The following ADCY3 variants were observed in gnomAD, a reference collection of about 807,000 sequenced individuals.
The protein encoded by ADCY3 is adenylate cyclase type 3.
In ADCY3, 70 loss-of-function variants were observed where a neutral mutation model predicts 119.4. The ratio of observed to expected loss-of-function variants is 0.59; its 90% CI spans 0.48 to 0.72. The LOEUF is 0.72. Among genes scored for constraint, ADCY3 ranks in the 30% least tolerant of loss-of-function variants. The probability of loss-of-function intolerance (pLI) is 0.00; values close to 1 mark genes in which losing one functional copy is unlikely to be tolerated. For synonymous variants in ADCY3, 672 were observed against 621.4 expected (o/e 1.08, Z -1.21); for missense variants, 1,238 against 1,541.6 (o/e 0.80, Z 3.30).
intron 2 of ADCY3, among the ~76,000 whole-genome samples, chr2:24,875,876 A>G (rs11895986): frequency 0.036 from 5,420 of 152,266 alleles, 153 homozygotes; most frequent in African/African-American, 0.076. Context: ...CTCCTCCAGC[A>G]TTCAAATCTC....
In ADCY3 at chr2:24,819,864, G is replaced by A. The variant is rs1392723441; in HGVS notation, c.*68C>T. 21 of 1,524,256 alleles carry A rather than the reference G, an allele frequency of 1.4e-5. No individual in the cohort carries two copies. Among genetic ancestry groups the A allele is most frequent in the East Asian group, 7.0e-5 (3 of 43,008 alleles). 94.4% of individuals were successfully genotyped at this position (1,524,256 alleles called of 1,614,324 possible). A position where few individuals can be genotyped will look rare whatever the true frequency, so the allele number is the denominator to read the frequency against. ...GTGTGCACTTCAATCCAGGAAGGTC[G>A]GGACTTCCTTCAGTTTCAAAAAATA... On this transcript the variant is annotated 3_prime_UTR_variant, in exon 22 of 22. Coordinates refer to ENST00000679454, the MANE Select transcript of ADCY3 (RefSeq NM_004036.5).
intron 2 of ADCY3, among the ~76,000 whole-genome samples, chr2:24,902,079 T>TG (rs1678977957): frequency 7.7e-6 from 1 of 130,442 alleles, no homozygotes; most frequent in Non-Finnish European, 1.6e-5. Flanking sequence ...TGTGTGTATT[T>TG]GGTTTTTTTT....
rs958301919 is a variant in ADCY3, at chr2:24,883,899, TCCTA to T, written c.676-11184_676-11181del. ...AGCAAACTCTTTGGATTCCAAAACT[TCCTA>T]CCTTTCAATTCAGAAAATGACATTT... On this transcript the variant is annotated intron_variant, in intron 2 of 21. Transcript: ENST00000679454. Among the ~76,000 whole-genome samples, 3 of 152,316 alleles carry T rather than the reference TCCTA, an allele frequency of 2.0e-5. 1 individual carries two copies. The South Asian group carries it at 6.2e-4, about 32-fold the overall frequency.
At chr2:24,846,693 T>C (rs1558446133) in intron 3 of ADCY3, among the ~76,000 whole-genome samples, 1 of 151,880 alleles carries the variant, frequency 6.6e-6, no homozygotes, top group Non-Finnish European at 1.5e-5. Context: ...ATTCTCCTGC[T>C]TCAGCCTCCT....
At chr2:24,864,141 T>A (rs1674010311) in intron 3 of ADCY3, among the ~76,000 whole-genome samples, 1 of 151,820 alleles carries the variant, frequency 6.6e-6, no homozygotes, top group South Asian at 2.1e-4. Context: ...ACAAGAAAAA[T>A]TAGCTGGGAG....
chr2:24,872,755 G>C lies in ADCY3; in HGVS notation c.676-36C>G, dbSNP rs779853620. 6 of 1,600,182 alleles carry C rather than the reference G, an allele frequency of 3.7e-6. No individual in the cohort carries two copies. The Admixed American group carries it at 1.0e-4, about 27-fold the overall frequency. On this transcript the variant is annotated intron_variant, in intron 2 of 21. Transcript: ENST00000679454. The surrounding 1 kb of genome is among the most constrained non-coding windows in gnomAD (Gnocchi z 4.4). ...AGGAAGAAGAGAGAAAAGGCCAGGG[G>C]TGAAGGCACGTCTTCAGAAAAGGGG...
chr2:24,853,454 A>T (rs1672623563), intron 3 of ADCY3, among the ~76,000 whole-genome samples: 1 of 148,748 alleles, frequency 6.7e-6, no homozygotes, highest in Non-Finnish European at 1.5e-5. Context: ...TTTCAGATTG[A>T]AACGCGCCTC....
At chr2:24,879,371 T>C (rs2148863158) in intron 2 of ADCY3, among the ~76,000 whole-genome samples, 1 of 145,062 alleles carries the variant, frequency 6.9e-6, no homozygotes, top group South Asian at 2.2e-4. Context: ...GAGAACGGCA[T>C]GAACCCGGGA....
In ADCY3 at chr2:24,840,748, G is replaced by A. The variant is rs539520460; in HGVS notation, c.1196+511C>T. ...GGAGCAGGGGCAAGAGTAGGGGACAGTGAGGGCAGGAGAGTTTGCCTCCCT... is the reference window on the plus strand; with the variant it reads ...GGAGCAGGGGCAAGAGTAGGGGACAATGAGGGCAGGAGAGTTTGCCTCCCT... On this transcript the variant is annotated intron_variant, in intron 6 of 21. Coordinates refer to ENST00000679454, the MANE Select transcript of ADCY3 (RefSeq NM_004036.5). 399 of 345,124 alleles carry A rather than the reference G, an allele frequency of 1.2e-3. 3 individuals carry two copies. The highest frequency in any genetic ancestry group is 6.9e-3 in the Middle Eastern group (6 of 874). 21.4% of individuals were successfully genotyped at this position (345,124 alleles called of 1,614,324 possible). A position where few individuals can be genotyped will look rare whatever the true frequency, so the allele number is the denominator to read the frequency against.
intron 3 of ADCY3, among the ~76,000 whole-genome samples, chr2:24,857,480 A>G (rs1673144718): frequency 6.6e-6 from 1 of 152,276 alleles, no homozygotes; most frequent in Non-Finnish European, 1.5e-5. Context: ...CCAATATGGC[A>G]GCCACATTTA....
chr2:24,838,845 A>G (rs1471437125), intron 7 of ADCY3: 1 of 1,606,230 alleles, frequency 6.2e-7, no homozygotes, highest in African/African-American at 1.3e-5. Flanking sequence ...TATGGCACTT[A>G]CTCCCATCTC....
At position 24,835,861 on chromosome 2, in the gene ADCY3, G is replaced by A. The variant is rs184653053; in HGVS notation, c.1663-925C>T. 8.8e-3 allele frequency among the ~76,000 whole-genome samples: 1,329 copies of A among 151,860 alleles called. 25 individuals are homozygous for A. Among genetic ancestry groups the A allele is most frequent in the African/African-American group, 0.031 (1,266 of 41,382 alleles). On this transcript the variant is annotated intron_variant, in intron 9 of 21. Transcript: ENST00000679454. The stretch of plus-strand genomic sequence containing the variant: ...TGAGGCAGGAGAATCTCTTGCACCC[G>A]GGAGGCAGAGGTTGCAGTGAGCCAA...
At chr2:24,820,182 T>G in intron 21 of ADCY3, 68 bp from the exon 22 acceptor site, 3 of 1,303,630 alleles carry the variant, frequency 2.3e-6, no homozygotes, top group Non-Finnish European at 3.1e-6. Flanking sequence ...GGGTGGGGGC[T>G]TTGGGTGGTT....
intron 2 of ADCY3, among the ~76,000 whole-genome samples, chr2:24,911,394 C>A (rs1037690493): frequency 2.0e-5 from 3 of 151,328 alleles, no homozygotes; most frequent in Admixed American, 2.0e-4. Flanking sequence ...TGCCTGTAAT[C>A]CCAGCACTTT....
At chr2:24,871,133 C>CG (rs1674961131) in intron 3 of ADCY3, among the ~76,000 whole-genome samples, 1 of 102,116 alleles carries the variant, frequency 9.8e-6, no homozygotes, top group African/African-American at 6.1e-5. Flanking sequence ...GTGACACATG[C>CG]ATTTTTTTTT....
chr2:24,888,960 G>A (rs780981966), intron 2 of ADCY3, among the ~76,000 whole-genome samples: 1 of 152,172 alleles, frequency 6.6e-6, no homozygotes, highest in Non-Finnish European at 1.5e-5. Context: ...AGTGAGCTGA[G>A]GTCACACCAC....
At chr2:24,916,394 C>T (rs1664454147) in intron 2 of ADCY3, among the ~76,000 whole-genome samples, 2 of 152,142 alleles carry the variant, frequency 1.3e-5, no homozygotes. Flanking sequence ...GACCTTAGAA[C>T]CTGGGATGCC....
chr2:24,911,224 T>A (rs1032100994), intron 2 of ADCY3, among the ~76,000 whole-genome samples: 14 of 146,156 alleles, frequency 9.6e-5, no homozygotes, highest in Non-Finnish European at 9.0e-5. Flanking sequence ...GTTCTTTTTT[T>A]TTTTTTTTTT....
intron 15 of ADCY3, 133 bp downstream of exon 15, chr2:24,827,413 G>T: frequency 1.1e-6 from 1 of 923,960 alleles, no homozygotes; most frequent in Non-Finnish European, 1.7e-6. Context: ...ACCCATGCCA[G>T]CTTCTCTAAC....
Sources: gnomAD v4.1 joint callset for allele counts (sites outside exome capture counted in the v4.1 genomes callset) on GRCh38, gnomAD v4.1.1 for gene constraint, Gnocchi (gnomAD v3.1) non-coding constraint, MANE v1.5 for transcripts, NCBI Gene and HGNC (gene_info 2026-07-23, HGNC 2026-07-21) for gene names.